The following GRIK2 variants were observed in gnomAD, a reference collection of about 807,000 sequenced individuals.
GRIK2 encodes the protein glutamate receptor ionotropic, kainate 2.
A neutral mutation model predicts 100.3 loss-of-function variants in GRIK2; 32 were observed. The observed-to-expected ratio is 0.32, with a 90% CI of 0.24 to 0.43. GRIK2 has a LOEUF of 0.43. Ranked by LOEUF, GRIK2 falls within the 20% of genes least tolerant of loss-of-function variation. The pLI is 1.00. For missense variants in GRIK2, 843 were observed against 1,114.9 expected (o/e 0.76, Z 3.47); for synonymous variants, 417 against 389.4 (o/e 1.07, Z -0.83).
At chr6:101,647,507 T>G (rs1781585901) in intron 4 of GRIK2, among the ~76,000 whole-genome samples, 1 of 151,942 alleles carries the variant, frequency 6.6e-6, no homozygotes, top group African/African-American at 2.4e-5. Flanking sequence ...ATATTTTGTT[T>G]TATGAGATAT....
At chr6:101,536,553 C>CT (rs1775702626) in intron 2 of GRIK2, among the ~76,000 whole-genome samples, 1 of 151,546 alleles carries the variant, frequency 6.6e-6, no homozygotes, top group Admixed American at 6.6e-5. Context: ...GTTTGTTCTG[C>CT]TTTATTTTAC....
At chr6:101,762,109 CTTCCTTCCTCCCTTCCT>C (rs1389923910) in intron 7 of GRIK2, among the ~76,000 whole-genome samples, 5 of 139,458 alleles carry the variant, frequency 3.6e-5, no homozygotes, top group African/African-American at 5.4e-5. Context: ...CCTTCCTTTC[CTTCCTTCCTCCCTTCCT>C]TTCCTTCCTC....
intron 8 of GRIK2, among the ~76,000 whole-genome samples, chr6:101,801,940 T>C (rs1486753466): frequency 6.6e-6 from 1 of 151,846 alleles, no homozygotes; most frequent in Admixed American, 6.6e-5. Flanking sequence ...TATTATGAAT[T>C]TAGTAGTGGG....
chr6:101,885,398 A>C (rs1272298832), intron 11 of GRIK2, among the ~76,000 whole-genome samples: 2 of 152,128 alleles, frequency 1.3e-5, no homozygotes, highest in Admixed American at 1.3e-4. Context: ...GTTGTACAGA[A>C]AAATAGTGGG....
chr6:101,961,194 A>G (rs1450609706), intron 14 of GRIK2, among the ~76,000 whole-genome samples: 5 of 152,124 alleles, frequency 3.3e-5, no homozygotes, highest in African/African-American at 9.7e-5. Flanking sequence ...TCAGGACTCA[A>G]TGTAACTGAG....
chr6:101,842,166 T>C (rs550742219), intron 10 of GRIK2, among the ~76,000 whole-genome samples: 1 of 152,284 alleles, frequency 6.6e-6, no homozygotes, highest in East Asian at 1.9e-4. Context: ...ATAAATGGTG[T>C]TCTTCGTTGC....
At chr6:102,006,491 C>A (rs913550334) in intron 14 of GRIK2, among the ~76,000 whole-genome samples, 2 of 150,166 alleles carry the variant, frequency 1.3e-5, no homozygotes, top group Non-Finnish European at 3.0e-5. Flanking sequence ...ATCTCAACCT[C>A]TTGAGTAGCT....
intron 2 of GRIK2, among the ~76,000 whole-genome samples, chr6:101,537,163 TC>T (rs1775739985): frequency 6.6e-6 from 1 of 151,794 alleles, no homozygotes; most frequent in African/African-American, 2.4e-5. Context: ...CTCTTGGATC[TC>T]CTTGTTGGTT....
intron 2 of GRIK2, among the ~76,000 whole-genome samples, chr6:101,495,985 G>A (rs762845267): frequency 1.1e-4 from 16 of 151,816 alleles, no homozygotes; most frequent in Non-Finnish European, 1.5e-4. Context: ...TCACTCTGTC[G>A]CCCAGTCTGG....
chr6:101,767,949 C>T (rs1345065783), intron 7 of GRIK2, among the ~76,000 whole-genome samples: 2 of 152,094 alleles, frequency 1.3e-5, no homozygotes, highest in Non-Finnish European at 2.9e-5. Flanking sequence ...ACTTGTACCA[C>T]ACAGGCTCAA....
chr6:101,787,779 T>C (rs755950695), intron 7 of GRIK2, among the ~76,000 whole-genome samples: 7 of 152,154 alleles, frequency 4.6e-5, no homozygotes, highest in Non-Finnish European at 8.8e-5. Flanking sequence ...TATTCTGCAG[T>C]TGTTGGATGA....
chr6:101,457,655 G>C (rs1771083661), intron 2 of GRIK2, among the ~76,000 whole-genome samples: 1 of 152,088 alleles, frequency 6.6e-6, no homozygotes. Flanking sequence ...GCTAAAAGCT[G>C]TAGTGGGTCC....
chr6:101,695,873 GA>G (rs1772449652), intron 7 of GRIK2, among the ~76,000 whole-genome samples: 1 of 151,946 alleles, frequency 6.6e-6, no homozygotes, highest in Admixed American at 6.6e-5. Flanking sequence ...ACAAATTGTT[GA>G]ATCTCTAATG....
chr6:102,014,011 CTCT>C (rs1795695280), intron 14 of GRIK2, among the ~76,000 whole-genome samples: 1 of 119,206 alleles, frequency 8.4e-6, no homozygotes, highest in African/African-American at 2.8e-5. Context: ...ATGGCACCAG[CTCT>C]TCTTTGTACA....
chr6:101,396,607 G>T (rs992266514), intron 1 of GRIK2, among the ~76,000 whole-genome samples: 4 of 152,174 alleles, frequency 2.6e-5, no homozygotes, highest in African/African-American at 9.7e-5. Flanking sequence ...TAGTCCTCTT[G>T]ATAATGTGAA....
At chr6:101,766,447 C>T (rs1778050308) in intron 7 of GRIK2, among the ~76,000 whole-genome samples, 1 of 152,066 alleles carries the variant, frequency 6.6e-6, no homozygotes, top group African/African-American at 2.4e-5. Context: ...TATAAATGAG[C>T]ACCTGTTGAA....
chr6:101,780,041 C>A lies in GRIK2; in HGVS notation c.952-19607C>A, dbSNP rs540794446. ...AACTATCTCATATGGATTTTAATAA[C>A]CAAATTGTACTGATATTTTTAGTTT... On this transcript the variant is annotated intron_variant, in intron 7 of 16. Coordinates refer to ENST00000369134, the MANE Select transcript of GRIK2 (RefSeq NM_021956.5). Among the ~76,000 whole-genome samples the A allele has an allele frequency of 2.0e-5, 3 of 152,090 alleles. No homozygotes were observed. In the East Asian group the frequency reaches 5.8e-4, roughly 29 times the overall value.
intron 7 of GRIK2, among the ~76,000 whole-genome samples, chr6:101,728,788 T>C (rs1432262427): frequency 6.6e-6 from 1 of 152,092 alleles, no homozygotes; most frequent in Non-Finnish European, 1.5e-5. Context: ...GTTTTATTTG[T>C]CTTCCAATCA....
intron 2 of GRIK2, among the ~76,000 whole-genome samples, chr6:101,552,614 C>T (rs1776562658): frequency 1.3e-5 from 2 of 152,130 alleles, no homozygotes; most frequent in Non-Finnish European, 2.9e-5. Flanking sequence ...TGGGAAATAT[C>T]AGTGTGTGCA....
Sources: allele counts gnomAD v4.1 joint callset (sites outside exome capture counted in the v4.1 genomes callset), GRCh38; gene constraint gnomAD v4.1.1; transcripts MANE v1.5; gene names NCBI Gene and HGNC (gene_info 2026-07-23, HGNC 2026-07-21).